Variants in FHIT observed in about 807,000 individuals in gnomAD.
The protein encoded by FHIT is fragile histidine triad diadenosine triphosphatase.
Under a neutral mutation model 17.9 loss-of-function variants are expected in FHIT, and 19 were observed. That is an observed-to-expected ratio of 1.06 (90% CI 0.74 to 1.56). FHIT has a LOEUF of 1.56. Among genes scored for constraint, FHIT ranks in the 40% most tolerant of loss-of-function variants. The probability of loss-of-function intolerance (pLI) is 0.00; values close to 1 mark genes in which losing one functional copy is unlikely to be tolerated. For missense variants in FHIT, 248 were observed against 189.2 expected, an observed-to-expected ratio of 1.31 and a Z score of -1.82; for synonymous variants, 81 against 69.7, an observed-to-expected ratio of 1.16 and a Z score of -0.81.
At chr3:61,221,514 T>C (rs945415328) in intron 1 of FHIT, among the ~76,000 whole-genome samples, 3 of 152,208 alleles carry the variant, frequency 2.0e-5, no homozygotes, top group African/African-American at 7.2e-5. Context: ...ACTTAAAAAG[T>C]CATTCACATT....
intron 2 of FHIT, among the ~76,000 whole-genome samples, chr3:61,123,508 AAGG>A (rs992593615): frequency 4.6e-5 from 7 of 152,012 alleles, no homozygotes; most frequent in East Asian, 1.9e-4. Flanking sequence ...AATAAAAAAA[AAGG>A]AGAAGAACAA....
At chr3:60,173,915 A>ATATATATATATATATATTTTTTT in intron 5 of FHIT, among the ~76,000 whole-genome samples, 8 of 66,432 alleles carry the variant, frequency 1.2e-4, no homozygotes, top group East Asian at 8.0e-4. Context: ...ATATATATAT[A>ATATATATATATATATATTTTTTT]TGTTTTTTTT....
At chr3:61,033,498 A>C (rs767163769) in intron 3 of FHIT, among the ~76,000 whole-genome samples, 6 of 152,230 alleles carry the variant, frequency 3.9e-5, no homozygotes, top group Admixed American at 6.5e-5. Context: ...TTTTTGGCTA[A>C]GTGAAATATA....
intron 9 of FHIT, chr3:59,750,874 T>G (rs1157499838): frequency 5.0e-6 from 1 of 201,664 alleles, no homozygotes; most frequent in Non-Finnish European, 1.0e-5. Context: ...ACTAAGTGGT[T>G]GATACAATTT....
chr3:59,919,767 T>G (rs1705313268), intron 8 of FHIT, among the ~76,000 whole-genome samples: 1 of 152,238 alleles, frequency 6.6e-6, no homozygotes, highest in Non-Finnish European at 1.5e-5. Flanking sequence ...TTGAATGTCC[T>G]GAACAGATGC....
At chr3:59,860,092 T>C (rs902649325) in intron 8 of FHIT, among the ~76,000 whole-genome samples, 2 of 152,234 alleles carry the variant, frequency 1.3e-5, no homozygotes, top group Admixed American at 6.5e-5. Flanking sequence ...ACCGCAGTTC[T>C]TGCTACCCTT....
chr3:60,843,480 C>T (rs539535121), intron 3 of FHIT, among the ~76,000 whole-genome samples: 10 of 152,078 alleles, frequency 6.6e-5, no homozygotes, highest in Non-Finnish European at 1.5e-4. Context: ...ACCAAAAGAG[C>T]CTTGCATGTC....
chr3:60,527,161 AT>A (rs2035607005), intron 5 of FHIT, among the ~76,000 whole-genome samples: 1 of 152,188 alleles, frequency 6.6e-6, no homozygotes, highest in African/African-American at 2.4e-5. Context: ...CTTCAATTAC[AT>A]TACTGCAGAT....
rs575292902 is a variant in FHIT at position 60,491,794 on chromosome 3, C to A, written c.103+45066G>T. ...AACTGAAATATTTGGGGTAGGCCAC[C>A]AATTTTGTCTTTATGTTGTTATTTA... On this transcript the variant is annotated intron_variant, in intron 5 of 9. Coordinates refer to ENST00000492590, the MANE Select transcript of FHIT (RefSeq NM_002012.4). 5.4e-4 allele frequency among the ~76,000 whole-genome samples: 82 copies of A among 152,170 alleles called. 2 individuals are homozygous for A. The highest frequency in any genetic ancestry group is 1.9e-3 in the African/African-American group (79 of 41,528).
At chr3:61,040,162 T>C (rs1441219446) in intron 3 of FHIT, among the ~76,000 whole-genome samples, 1 of 152,190 alleles carries the variant, frequency 6.6e-6, no homozygotes, top group Non-Finnish European at 1.5e-5. Context: ...TAAAACCTTC[T>C]CAAAAGAAAG....
intron 5 of FHIT, among the ~76,000 whole-genome samples, chr3:60,355,047 ACT>A (rs1699587488): frequency 6.6e-6 from 1 of 152,142 alleles, no homozygotes; most frequent in East Asian, 1.9e-4. Flanking sequence ...AATGATTTAG[ACT>A]CTCTACATTT....
chr3:59,883,963 C>A (rs1703515252), intron 8 of FHIT, among the ~76,000 whole-genome samples: 1 of 152,178 alleles, frequency 6.6e-6, no homozygotes. Context: ...ATATGATTGA[C>A]AAATGAGTAA....
chr3:60,498,269 C>A (rs1400764781), intron 5 of FHIT, among the ~76,000 whole-genome samples: 2 of 152,034 alleles, frequency 1.3e-5, no homozygotes, highest in African/African-American at 2.4e-5. Context: ...AAATTTTGTA[C>A]TACCAAAAAT....
intron 5 of FHIT, among the ~76,000 whole-genome samples, chr3:60,381,490 GA>G (rs1346399126): frequency 2.7e-5 from 4 of 148,012 alleles, no homozygotes; most frequent in Non-Finnish European, 5.9e-5. Flanking sequence ...AAAAAAAAAA[GA>G]AAAGAAAAGA....
chr3:60,648,969 A>G, intron 4 of FHIT, among the ~76,000 whole-genome samples: 1 of 152,232 alleles, frequency 6.6e-6, no homozygotes, highest in East Asian at 1.9e-4. Flanking sequence ...AACATTGTGT[A>G]TGCCTGTGTT....
At chr3:60,282,344 G>T (rs1337721359) in intron 5 of FHIT, among the ~76,000 whole-genome samples, 2 of 152,074 alleles carry the variant, frequency 1.3e-5, no homozygotes, top group Non-Finnish European at 2.9e-5. Context: ...GCCATAAAAA[G>T]GTGTGGAGGC....
At chr3:60,922,863 T>C (rs782470644) in intron 3 of FHIT, among the ~76,000 whole-genome samples, 12 of 152,238 alleles carry the variant, frequency 7.9e-5, no homozygotes, top group Non-Finnish European at 1.5e-4. Flanking sequence ...GAATCCTACT[T>C]TGCATCCTCT....
intron 5 of FHIT, among the ~76,000 whole-genome samples, chr3:60,341,477 T>C (rs113081533): frequency 1.6e-4 from 24 of 152,198 alleles, no homozygotes; most frequent in Admixed American, 5.9e-4. Context: ...GAGAAAAATG[T>C]GTTTCTATCA....
intron 4 of FHIT, among the ~76,000 whole-genome samples, chr3:60,590,825 G>A (rs775653443): frequency 1.4e-4 from 22 of 152,054 alleles, no homozygotes; most frequent in Non-Finnish European, 3.2e-4. Context: ...TGACTTAAAC[G>A]CAAAGGGACA....
Sources: gnomAD v4.1 joint callset for allele counts (sites outside exome capture counted in the v4.1 genomes callset) on GRCh38, gnomAD v4.1.1 for gene constraint, MANE v1.5 for transcripts, NCBI Gene and HGNC (gene_info 2026-07-23, HGNC 2026-07-21) for gene names.